The following PCDHGB2 variants were observed in gnomAD, a reference collection of about 807,000 sequenced individuals.
PCDHGB2 encodes protocadherin gamma subfamily B, 2.
PCDHGB2 carries 55 observed loss-of-function variants against 59.3 expected under a neutral mutation model. The observed-to-expected ratio is 0.93, with a 90% confidence interval of 0.75 to 1.16. The LOEUF (loss-of-function observed/expected upper bound fraction) is 1.16. Among genes scored for constraint, PCDHGB2 ranks in the 50% most tolerant of loss-of-function variants. The pLI is 0.00. For synonymous variants in PCDHGB2, 516 were observed against 512.0 expected, an observed-to-expected ratio of 1.01 and a Z score of -0.11; for missense variants, 1,228 against 1,198.5, an observed-to-expected ratio of 1.02 and a Z score of -0.36.
chr5:141,427,895 G>T (rs539406412), intron 1 of PCDHGB2: 3 of 1,569,228 alleles, frequency 1.9e-6, no homozygotes, highest in South Asian at 2.2e-5. Context: ...ACCAGGGCTC[G>T]CCCGCGCTCA....
At chr5:141,408,003 C>G in intron 1 of PCDHGB2, 1 of 917,520 alleles carries the variant, frequency 1.1e-6, no homozygotes, top group Non-Finnish European at 1.6e-6. Flanking sequence ...GCCTGGGATT[C>G]CCTGCGCAGC....
intron 3 of PCDHGB2, among the ~76,000 whole-genome samples, chr5:141,510,272 TAAAAAA>T (rs546154379): frequency 7.7e-6 from 1 of 130,390 alleles, no homozygotes; most frequent in Non-Finnish European, 1.6e-5. Context: ...GACTCCATCT[TAAAAAA>T]AAAAAAAAAA....
At position 141,476,786 on chromosome 5, in the gene PCDHGB2, C is replaced by G. The variant is rs2099398607; in HGVS notation, c.2422-18021C>G. 3.1e-6 allele frequency: 5 copies of G among 1,613,444 alleles called. No individual in the cohort carries two copies. The highest frequency in any genetic ancestry group is 1.7e-5 in the Admixed American group (1 of 60,000). ...GGCGTTGGACGGAGGGACCCCAGCTCTCTCCGCCAGCCTGCCTATTCACAT... is the reference window on the plus strand; with the variant it reads ...GGCGTTGGACGGAGGGACCCCAGCTGTCTCCGCCAGCCTGCCTATTCACAT... On this transcript the variant is annotated intron_variant, in intron 1 of 3. Coordinates refer to ENST00000522605, the MANE Select transcript of PCDHGB2 (RefSeq NM_018923.3). The surrounding 1 kb of genome is among the most constrained non-coding windows in gnomAD (Gnocchi z 7.6).
rs2099389707 is a variant in PCDHGB2, at chr5:141,476,358, G to A, written c.2422-18449G>A. On this transcript the variant is annotated intron_variant, in intron 1 of 3. Transcript: ENST00000522605. This position sits in a 1 kb window ranked among gnomAD's most constrained non-coding sequence, Gnocchi z 7.6. ...AGCCGAAGATTCTTTGAGGTGAACC[G>A]GGAGACCGGAGAGATGTTTGTGAAC... 6.2e-7 allele frequency: 1 copy of A among 1,614,134 alleles called. No individual in the cohort carries two copies. The highest frequency in any genetic ancestry group is 8.5e-7 in the Non-Finnish European group (1 of 1,180,022).
chr5:141,501,030 A>G (rs2099805050), intron 2 of PCDHGB2, among the ~76,000 whole-genome samples: 1 of 151,848 alleles, frequency 6.6e-6, no homozygotes, highest in Admixed American at 6.6e-5. Flanking sequence ...CACCACGCCC[A>G]GCTAATTTTT....
intron 1 of PCDHGB2, chr5:141,372,834 C>A (rs1343091313): frequency 3.9e-6 from 6 of 1,536,106 alleles, no homozygotes; most frequent in South Asian, 1.2e-5. Flanking sequence ...ACCTTTCCTT[C>A]CATAAATATA....
At position 141,489,072 on chromosome 5, in the gene PCDHGB2, A is replaced by AC; in HGVS notation, c.2422-5730dup. The AC allele has an allele frequency of 1.3e-5, 2 of 157,710 alleles. No homozygotes were observed. Among genetic ancestry groups the AC allele is most frequent in the Non-Finnish European group, 1.2e-5 (1 of 83,996 alleles). 9.8% of individuals were successfully genotyped at this position (157,710 alleles called of 1,614,324 possible). A position where few individuals can be genotyped will look rare whatever the true frequency, so the allele number is the denominator to read the frequency against. On this transcript the variant is annotated intron_variant, in intron 1 of 3. Transcript: ENST00000522605. This position sits in a 1 kb window ranked among gnomAD's most constrained non-coding sequence, Gnocchi z 4.5. The stretch of plus-strand genomic sequence containing the variant: ...AATTCAGCTCCCCTCCCCCCTGCCC[A>AC]CCCCCGCCACTCGGTGACTAAGAAC...
rs182297545 is a variant in PCDHGB2 at position 141,400,627 on chromosome 5, G to A, written c.2421+38071G>A. ...AAGTCCAATGAGTTGTCTTAGGGAA[G>A]TCAGAGCTGCTCAGAAAGCTGTCCT... On this transcript the variant is annotated intron_variant, in intron 1 of 3. Transcript: ENST00000522605. 46 of 1,441,658 alleles carry A rather than the reference G, an allele frequency of 3.2e-5. 1 individual carries two copies. In the East Asian group the frequency reaches 8.4e-4, roughly 26 times the overall value. 89.3% of individuals were successfully genotyped at this position (1,441,658 alleles called of 1,614,324 possible). A position where few individuals can be genotyped will look rare whatever the true frequency, so the allele number is the denominator to read the frequency against.
chr5:141,395,177 T>A (rs1325466781), intron 1 of PCDHGB2: 1 of 1,614,120 alleles, frequency 6.2e-7, no homozygotes, highest in Non-Finnish European at 8.5e-7. Context: ...GTGAGAAAAA[T>A]GATTCTTTGT....
At chr5:141,392,577 T>C in intron 1 of PCDHGB2, 1 of 462,996 alleles carries the variant, frequency 2.2e-6, no homozygotes. Context: ...TTTAGGACTG[T>C]AAGCGCCGCT....
At chr5:141,403,594 C>A in intron 1 of PCDHGB2, 2 of 1,613,848 alleles carry the variant, frequency 1.2e-6, no homozygotes, top group Non-Finnish European at 1.7e-6. Context: ...TCCTCACGGC[C>A]TCGGATGGCG....
Position 141,392,774 on chromosome 5 carries a change from C to A in PCDHGB2, c.2421+30218C>A, listed in dbSNP as rs752798314. The A allele has an allele frequency of 2.0e-6, 3 of 1,520,452 alleles. No homozygotes were observed. The South Asian group carries it at 3.9e-5, about 20-fold the overall frequency. The allele number at this position is 1,520,452 out of a possible 1,614,324, so 94.2% of individuals were successfully genotyped here. A position where few individuals can be genotyped will look rare whatever the true frequency, so the allele number is the denominator to read the frequency against. On this transcript the variant is annotated intron_variant, in intron 1 of 3. Coordinates refer to ENST00000522605, the MANE Select transcript of PCDHGB2 (RefSeq NM_018923.3). ...AGAAACTAAATAAGACCCATTTATG[C>A]ACAGTGAAGATTCTGAGAGGATTCT...
chr5:141,418,693 T>G, intron 1 of PCDHGB2: 1 of 1,614,040 alleles, frequency 6.2e-7, no homozygotes, highest in Admixed American at 1.7e-5. Flanking sequence ...CAGAGATCAC[T>G]TATTCCTTCT....
At chr5:141,378,957 A>T (rs1303880032) in intron 1 of PCDHGB2, 2 of 152,224 alleles carry the variant, frequency 1.3e-5, no homozygotes, top group Non-Finnish European at 2.9e-5. Context: ...AGTACAGGGG[A>T]TTCTCTAATT....
chr5:141,370,336 G>A, intron 1 of PCDHGB2: 1 of 1,441,770 alleles, frequency 6.9e-7, no homozygotes, highest in Non-Finnish European at 9.4e-7. Flanking sequence ...GAGAACTCTT[G>A]GGATTATTTA....
intron 1 of PCDHGB2, among the ~76,000 whole-genome samples, chr5:141,373,222 G>C (rs899880588): frequency 6.6e-6 from 1 of 152,116 alleles, no homozygotes; most frequent in African/African-American, 2.4e-5. Context: ...AATGTAACCT[G>C]TATATAATAT....
chr5:141,462,388 C>T (rs529638718), intron 1 of PCDHGB2, among the ~76,000 whole-genome samples: 86 of 152,204 alleles, frequency 5.7e-4, no homozygotes, highest in Non-Finnish European at 9.4e-4. Context: ...AATTCGTTAA[C>T]ATTTCTTTTA....
In PCDHGB2 at chr5:141,432,571, G is replaced by A. The variant is rs776214748; in HGVS notation, c.2422-62236G>A. On this transcript the variant is annotated intron_variant, in intron 1 of 3. Coordinates refer to ENST00000522605, the MANE Select transcript of PCDHGB2 (RefSeq NM_018923.3). The surrounding 1 kb of genome is among the most constrained non-coding windows in gnomAD (Gnocchi z 6.0). ...GAGACTCCGGCCAGAACGCCTGGCT[G>A]TCCTACCGTCTGCTCAAGGCCAGCG... is the stretch of plus-strand genomic sequence containing the variant. 1.2e-6 allele frequency: 2 copies of A among 1,613,954 alleles called. No homozygotes were observed. Among genetic ancestry groups the A allele is most frequent in the South Asian group, 1.1e-5 (1 of 91,068 alleles).
At chr5:141,410,739 A>G in intron 1 of PCDHGB2, 1 of 1,303,782 alleles carries the variant, frequency 7.7e-7, no homozygotes. Flanking sequence ...GCTTTTTACA[A>G]TATTTTCTCA....
Sources: allele counts gnomAD v4.1 joint callset (sites outside exome capture counted in the v4.1 genomes callset), GRCh38; gene constraint gnomAD v4.1.1; non-coding constraint Gnocchi (gnomAD v3.1); transcripts MANE v1.5; gene names NCBI Gene and HGNC (gene_info 2026-07-23, HGNC 2026-07-21).